SLC44A5: variants seen among roughly 807,000 people sequenced by gnomAD.
SLC44A5 encodes the protein solute carrier family 44 member 5.
In SLC44A5, 57 loss-of-function variants were observed where a neutral mutation model predicts 101.8. The observed-to-expected ratio is 0.56, with a 90% CI of 0.45 to 0.70. The LOEUF (loss-of-function observed/expected upper bound fraction) is 0.70. Among genes scored for constraint, SLC44A5 ranks in the 30% least tolerant of loss-of-function variants. The pLI is 0.00. For missense variants in SLC44A5, 737 were observed against 853.1 expected, an observed-to-expected ratio of 0.86 and a Z score of 1.70; for synonymous variants, 281 against 290.9, an observed-to-expected ratio of 0.97 and a Z score of 0.35.
At chr1:75,341,953 ACT>A (rs1045003802) in intron 3 of SLC44A5, among the ~76,000 whole-genome samples, 24 of 152,214 alleles carry the variant, frequency 1.6e-4, no homozygotes, top group African/African-American at 5.8e-4. Context: ...CCACTAACTG[ACT>A]CTGATGCACA....
the SLC44A5 span, among the ~76,000 whole-genome samples, chr1:75,718,602 G>A: frequency 1.3e-5 from 2 of 152,178 alleles, no homozygotes; most frequent in African/African-American, 4.8e-5. Flanking sequence ...AATGGGAATG[G>A]ATCTTGCTAC....
At position 75,274,999 on chromosome 1, in the gene SLC44A5, G is replaced by C. The variant is rs1235791116; in HGVS notation, c.219C>G (p.Asp73Glu). The C allele has an allele frequency of 3.7e-6, 6 of 1,612,878 alleles. No individual in the cohort carries two copies. The African/African-American group carries it at 6.7e-5, about 18-fold the overall frequency. The change falls in exon 6 of 24, where the codon GAC becomes GAG. Residue 73 changes from aspartate to glutamate, a missense_variant. Coordinates refer to ENST00000370859, the MANE Select transcript of SLC44A5 (RefSeq NM_001130058.2). ...TCTGGCCACAAAAGTGGCCCTGGCT[G>C]TCTGTAGGATAGGCTGCTCTTCTGG... ...GDPRRAAYPT[D>E]SQGHFCGQKG...
chr1:75,313,162 G>T (rs1655437671), intron 4 of SLC44A5, among the ~76,000 whole-genome samples: 1 of 152,134 alleles, frequency 6.6e-6, no homozygotes, highest in Non-Finnish European at 1.5e-5. Flanking sequence ...TCCCACACAT[G>T]TCTGTTTTCC....
chr1:75,218,691 T>C lies in SLC44A5; in HGVS notation c.1328A>G (p.Tyr443Cys). 1.2e-6 allele frequency: 2 copies of C among 1,613,690 alleles called. No individual in the cohort carries two copies. The highest frequency in any genetic ancestry group is 8.5e-7 in the Non-Finnish European group (1 of 1,179,690). Reference sequence around the variant, plus strand: ...CTGATGGTACAAGCTCTTTCCACCATAGAAAGCAAAGTTACACAGAGCCCC... The same window carrying C: ...CTGATGGTACAAGCTCTTTCCACCACAGAAAGCAAAGTTACACAGAGCCCC... ...CPGALCNFAF[Y>C]GGKSLYHQYI... Residue 443 changes from tyrosine to cysteine, a missense_variant, in exon 17 of 24, where the codon TAT becomes TGT. By Grantham distance (194) the Tyr-to-Cys change is radical. Around this residue, in one of 3 missense-constraint regions of SLC44A5, gnomAD observed 665 missense variants for 764.4 expected, o/e 0.87. Coordinates refer to ENST00000370859, the MANE Select transcript of SLC44A5 (RefSeq NM_001130058.2).
At position 75,477,083 on chromosome 1, in the gene SLC44A5, G is replaced by A. The variant is rs549179517; in HGVS notation, c.13+64352C>T. On this transcript the variant is annotated intron_variant, in intron 2 of 23. Transcript: ENST00000370859. ...TCCAGAGAAACGATCAGACAGCAGC[G>A]TTCGCGGTTCATGAAAATCTGCTGT... Among the ~76,000 whole-genome samples, 51 of 152,312 alleles carry A rather than the reference G, an allele frequency of 3.3e-4. 1 individual carries two copies. Among genetic ancestry groups the A allele is most frequent in the South Asian group, 8.3e-4 (4 of 4,832 alleles).
chr1:75,212,776 C>T (rs1411224650), intron 22 of SLC44A5, among the ~76,000 whole-genome samples: 2 of 152,006 alleles, frequency 1.3e-5, no homozygotes, highest in African/African-American at 4.8e-5. Context: ...ATAAAACTGG[C>T]AGTGGGGGAG....
intron 12 of SLC44A5, among the ~76,000 whole-genome samples, chr1:75,232,374 ACT>A (rs996845169): frequency 1.3e-5 from 2 of 151,862 alleles, no homozygotes; most frequent in African/African-American, 4.8e-5. Context: ...ACAAGCCCAG[ACT>A]CTCCAGTGGC....
chr1:75,514,041 C>G (rs187409259), intron 2 of SLC44A5, among the ~76,000 whole-genome samples: 67 of 152,242 alleles, frequency 4.4e-4, no homozygotes, highest in African/African-American at 1.6e-3. Flanking sequence ...GCTGGAGTCT[C>G]TCTATAGTGC....
intron 3 of SLC44A5, among the ~76,000 whole-genome samples, 179 bp from the exon 4 acceptor site, chr1:75,339,809 C>A (rs1280398313): frequency 1.3e-5 from 2 of 152,190 alleles, no homozygotes; most frequent in Non-Finnish European, 2.9e-5. Context: ...TTTCTCCTAT[C>A]TCCAGCTTAG....
Position 75,302,008 on chromosome 1 carries a change from C to A in SLC44A5, c.102-1323G>T, listed in dbSNP as rs1654484941. On this transcript the variant is annotated intron_variant, in intron 4 of 23. Coordinates refer to ENST00000370859, the MANE Select transcript of SLC44A5 (RefSeq NM_001130058.2). ...GGTGGGCAAACCAGCAACAAACTGTCATTTGTTTAAATCTAGTTTCAACCC... is the reference window on the plus strand; with the variant it reads ...GGTGGGCAAACCAGCAACAAACTGTAATTTGTTTAAATCTAGTTTCAACCC... Among the ~76,000 whole-genome samples the A allele has an allele frequency of 1.4e-5, 2 of 147,242 alleles. 1 individual carries two copies. Among genetic ancestry groups the A allele is most frequent in the Non-Finnish European group, 3.0e-5 (2 of 67,242 alleles).
intron 2 of SLC44A5, among the ~76,000 whole-genome samples, chr1:75,402,948 C>T (rs564261102): frequency 5.3e-5 from 8 of 152,168 alleles, no homozygotes; most frequent in Non-Finnish European, 8.8e-5. Flanking sequence ...TCCACTAGCT[C>T]GAAATTCTCG....
At chr1:75,592,463 A>G (rs758898654) in intron 1 of SLC44A5, among the ~76,000 whole-genome samples, 3 of 152,166 alleles carry the variant, frequency 2.0e-5, no homozygotes, top group Non-Finnish European at 4.4e-5. Context: ...CAAAGTAACA[A>G]TGACATTCTT....
chr1:75,375,350 A>G (rs182479056), intron 3 of SLC44A5, among the ~76,000 whole-genome samples: 12 of 152,342 alleles, frequency 7.9e-5, no homozygotes, highest in African/African-American at 2.6e-4. Context: ...TCTAGAGACT[A>G]TACGTGTGAC....
At chr1:75,468,106 A>C (rs1166660112) in intron 2 of SLC44A5, among the ~76,000 whole-genome samples, 1 of 152,204 alleles carries the variant, frequency 6.6e-6, no homozygotes, top group Non-Finnish European at 1.5e-5. Context: ...AATGCAAGTC[A>C]AACTACAATA....
At chr1:75,426,572 T>C (rs1443590490) in intron 2 of SLC44A5, among the ~76,000 whole-genome samples, 3 of 152,212 alleles carry the variant, frequency 2.0e-5, no homozygotes, top group African/African-American at 7.2e-5. Context: ...CAGTGAACAT[T>C]TGTCTTCCTA....
chr1:75,351,242 T>C (rs1314453431), intron 3 of SLC44A5, among the ~76,000 whole-genome samples: 1 of 151,968 alleles, frequency 6.6e-6, no homozygotes, highest in Non-Finnish European at 1.5e-5. Context: ...AGAGACATAA[T>C]CATGGTAAAG....
chr1:75,676,281 GAC>G, the SLC44A5 span, among the ~76,000 whole-genome samples: 2 of 152,116 alleles, frequency 1.3e-5, no homozygotes, highest in Non-Finnish European at 2.9e-5. Flanking sequence ...CAATCACAAA[GAC>G]ACAGAATGAA....
intron 4 of SLC44A5, among the ~76,000 whole-genome samples, chr1:75,330,158 CATATATATACGTATATATGCATAT>C (rs1557669730): frequency 1.4e-3 from 172 of 123,784 alleles, no homozygotes; most frequent in South Asian, 8.6e-3. Context: ...TACGTATATG[CATATATATACGTATATATGCATAT>C]ATATACGTAT....
At chr1:75,235,169 T>C (rs1056728522) in intron 11 of SLC44A5, among the ~76,000 whole-genome samples, 1 of 152,040 alleles carries the variant, frequency 6.6e-6, no homozygotes, top group Non-Finnish European at 1.5e-5. Flanking sequence ...ACTTTAATGC[T>C]TAAATATTCA....
Sources: gnomAD v4.1 joint callset for allele counts (sites outside exome capture counted in the v4.1 genomes callset) on GRCh38, gnomAD v4.1.1 for gene constraint, gnomAD v4.1.1 regional missense constraint, MANE v1.5 for transcripts, NCBI Gene and HGNC (gene_info 2026-07-23, HGNC 2026-07-21) for gene names.